Variants in NTNG1 observed in about 807,000 individuals in gnomAD.
NTNG1 encodes the protein netrin-G1.
Under a neutral mutation model 54.0 loss-of-function variants are expected in NTNG1, and 16 were observed. The ratio of observed to expected loss-of-function variants is 0.30; its 90% CI spans 0.20 to 0.45. The LOEUF (loss-of-function observed/expected upper bound fraction) is 0.45. Among genes scored for constraint, NTNG1 ranks in the 20% least tolerant of loss-of-function variants. The probability of loss-of-function intolerance (pLI) is 1.00; values close to 1 mark genes in which losing one functional copy is unlikely to be tolerated. For synonymous variants in NTNG1, 255 were observed against 263.1 expected (o/e 0.97, Z 0.30); for missense variants, 530 against 678.7 (o/e 0.78, Z 2.43).
At chr1:107,332,846 TA>T (rs1273457960) in intron 3 of NTNG1, among the ~76,000 whole-genome samples, 1 of 152,046 alleles carries the variant, frequency 6.6e-6, no homozygotes, top group African/African-American at 2.4e-5. Flanking sequence ...CTGCACTGCA[TA>T]AAAACTCATG....
intron 5 of NTNG1, among the ~76,000 whole-genome samples, chr1:107,426,090 C>A (rs1469657618): frequency 1.3e-5 from 2 of 151,804 alleles, no homozygotes; most frequent in Non-Finnish European, 2.9e-5. Context: ...TCTTTAGAGG[C>A]ATAATTTCTA....
At chr1:107,394,688 T>G (rs1672570150) in intron 3 of NTNG1, among the ~76,000 whole-genome samples, 1 of 152,238 alleles carries the variant, frequency 6.6e-6, no homozygotes, top group Admixed American at 6.5e-5. Context: ...CAAATTATTT[T>G]AATGGTTATC....
intron 2 of NTNG1, among the ~76,000 whole-genome samples, chr1:107,200,987 G>A (rs1364862694): frequency 6.6e-6 from 1 of 151,614 alleles, no homozygotes; most frequent in Non-Finnish European, 1.5e-5. Context: ...GTTTCTGTTT[G>A]CCCTAGCATT....
In NTNG1 at chr1:107,275,177, C is replaced by T. The variant is rs1030259802; in HGVS notation, c.247-49105C>T. ...GGATCACCTGAGGTCAGGAGTTCAA[C>T]ACCAGCCTGGCCAATATGGTGAAAC... On this transcript the variant is annotated intron_variant, in intron 2 of 7. Coordinates refer to ENST00000370068, the MANE Select transcript of NTNG1 (RefSeq NM_001113226.3). Among the ~76,000 whole-genome samples the T allele has an allele frequency of 3.9e-5, 6 of 151,964 alleles. 1 individual carries two copies. Among genetic ancestry groups the T allele is most frequent in the African/African-American group, 1.4e-4 (6 of 41,390 alleles).
chr1:107,442,520 G>A (rs1308561785), intron 7 of NTNG1, among the ~76,000 whole-genome samples: 1 of 152,078 alleles, frequency 6.6e-6, no homozygotes, highest in African/African-American at 2.4e-5. Flanking sequence ...GCAAATTTAG[G>A]CTAAATAATT....
At chr1:107,429,958 C>T (rs958176123) in intron 5 of NTNG1, among the ~76,000 whole-genome samples, 2 of 152,120 alleles carry the variant, frequency 1.3e-5, no homozygotes, top group African/African-American at 4.8e-5. Flanking sequence ...CTCAGAGACA[C>T]CTCTAACATT....
chr1:107,476,843 C>T (rs1391463099), intron 7 of NTNG1, among the ~76,000 whole-genome samples: 2 of 152,220 alleles, frequency 1.3e-5, no homozygotes, highest in Non-Finnish European at 2.9e-5. Flanking sequence ...ATTTGCCTTT[C>T]CCTTTGTGCA....
intron 2 of NTNG1, among the ~76,000 whole-genome samples, chr1:107,213,322 G>T (rs1570868411): frequency 6.6e-6 from 1 of 152,204 alleles, no homozygotes; most frequent in South Asian, 2.1e-4. Context: ...ACTGTCACAA[G>T]AAATCGTGTT....
At chr1:107,433,099 C>G (rs1280286569) in intron 6 of NTNG1, among the ~76,000 whole-genome samples, 1 of 152,250 alleles carries the variant, frequency 6.6e-6, no homozygotes, top group East Asian at 1.9e-4. Flanking sequence ...GTTTTCCTCT[C>G]CATTTCTAGA....
chr1:107,391,670 T>C (rs1043739829), intron 3 of NTNG1, among the ~76,000 whole-genome samples: 2 of 151,900 alleles, frequency 1.3e-5, no homozygotes, highest in Admixed American at 6.6e-5. Context: ...AAAGGGGAAG[T>C]TGACATGTCA....
chr1:107,142,961 G>A (rs929954089), intron 1 of NTNG1: 1 of 152,062 alleles, frequency 6.6e-6, no homozygotes, highest in Non-Finnish European at 1.5e-5. Flanking sequence ...TTGAAGATAA[G>A]CAACTTTCGA....
In NTNG1 at chr1:107,250,842, G is replaced by T. The variant is rs527650809; in HGVS notation, c.247-73440G>T. Among the ~76,000 whole-genome samples the T allele has an allele frequency of 4.7e-4, 72 of 152,312 alleles. No homozygotes were observed. In the East Asian group the frequency reaches 0.011, roughly 23 times the overall value. ...AACCCGCCAGGCAACTGGTGGAGTG[G>T]GTGTCTTGGTTCTGAAGTGGGAATC... On this transcript the variant is annotated intron_variant, in intron 2 of 7. Transcript: ENST00000370068.
At chr1:107,429,033 C>T (rs1274325618) in intron 5 of NTNG1, among the ~76,000 whole-genome samples, 1 of 152,088 alleles carries the variant, frequency 6.6e-6, no homozygotes, top group Non-Finnish European at 1.5e-5. Context: ...CTCGCCTCCC[C>T]TCTGACTTCT....
rs370497345 is a variant in NTNG1 at position 107,246,548 on chromosome 1, C to T, written c.247-77734C>T. 5.2e-4 allele frequency among the ~76,000 whole-genome samples: 79 copies of T among 152,060 alleles called. 1 individual carries two copies. In the Middle Eastern group the frequency reaches 0.01, roughly 20 times the overall value. ...CCTCAATTGATGTAGTAGTCATAAT[C>T]GTGAGTGGCTGGGTTTCCATTTGAT... On this transcript the variant is annotated intron_variant, in intron 2 of 7. Coordinates refer to ENST00000370068, the MANE Select transcript of NTNG1 (RefSeq NM_001113226.3).
At chr1:107,329,147 AG>A (rs1362258669) in intron 3 of NTNG1, 2 of 152,192 alleles carry the variant, frequency 1.3e-5, no homozygotes, top group African/African-American at 4.8e-5. Flanking sequence ...TTTACCTCCA[AG>A]AAAGAAGCCT....
intron 2 of NTNG1, among the ~76,000 whole-genome samples, chr1:107,286,692 G>T (rs1030821314): frequency 6.6e-6 from 1 of 152,226 alleles, no homozygotes; most frequent in East Asian, 1.9e-4. Context: ...CTTCCTTAGG[G>T]TGTATACTCC....
In NTNG1 at chr1:107,430,821, T is replaced by G; in HGVS notation, c.1159T>G (p.Cys387Gly). Residue 387 changes from cysteine (C) to glycine (G), a missense_variant, in exon 6 of 8, where the codon TGT becomes GGT. Cys to Gly is a radical substitution (Grantham distance 159). Transcript: ENST00000370068. ...DLLNTVICVS[C>G]KHNTRGQHCE... ...GCTAAATACAGTCATTTGCGTGAGC[T>G]GTAAACACAACACTAGAGGGCAGCA... 6.2e-7 allele frequency: 1 copy of G among 1,613,328 alleles called. No individual in the cohort carries two copies. The highest frequency in any genetic ancestry group is 8.5e-7 in the Non-Finnish European group (1 of 1,179,646).
chr1:107,457,932 AG>A, intron 7 of NTNG1, among the ~76,000 whole-genome samples: 1 of 152,214 alleles, frequency 6.6e-6, no homozygotes, highest in African/African-American at 2.4e-5. Context: ...CCTTAGTTAG[AG>A]ATATTAGAGA....
At chr1:107,452,936 G>C (rs558571669) in intron 7 of NTNG1, among the ~76,000 whole-genome samples, 3 of 152,172 alleles carry the variant, frequency 2.0e-5, no homozygotes, top group Non-Finnish European at 4.4e-5. Flanking sequence ...GAGGAGGTAC[G>C]TGACAATCCC....
Sources: allele counts gnomAD v4.1 joint callset (sites outside exome capture counted in the v4.1 genomes callset), GRCh38; gene constraint gnomAD v4.1.1; transcripts MANE v1.5; gene names NCBI Gene and HGNC (gene_info 2026-07-23, HGNC 2026-07-21).